STRA6: variants seen among roughly 807,000 people sequenced by gnomAD.
The protein encoded by STRA6 is receptor for retinol uptake STRA6.
Under a neutral mutation model 83.6 loss-of-function variants are expected in STRA6, and 48 were observed. That is an observed-to-expected ratio of 0.57 (90% CI 0.46 to 0.73). STRA6 has a LOEUF of 0.73. Ranked by LOEUF, STRA6 falls within the 30% of genes least tolerant of loss-of-function variation. The pLI, the probability that STRA6 is intolerant of heterozygous loss-of-function variation, is 0.00. For missense variants in STRA6, 760 were observed against 838.8 expected, an observed-to-expected ratio of 0.91 and a Z score of 1.16; for synonymous variants, 353 against 362.3, an observed-to-expected ratio of 0.97 and a Z score of 0.29.
intron 12 of STRA6, among the ~76,000 whole-genome samples, chr15:74,187,718 C>T (rs1416628914): frequency 6.6e-6 from 1 of 152,120 alleles, no homozygotes; most frequent in Non-Finnish European, 1.5e-5. Context: ...TCCTCATCTG[C>T]AAATTTAAAG....
chr15:74,189,503 G>A (rs1227676514), intron 11 of STRA6, among the ~76,000 whole-genome samples: 2 of 152,108 alleles, frequency 1.3e-5, no homozygotes, highest in Non-Finnish European at 2.9e-5. Flanking sequence ...TTCGAGCACC[G>A]TAACTTCATA....
chr15:74,187,006 G>A (rs1263577750), intron 12 of STRA6, among the ~76,000 whole-genome samples: 1 of 152,230 alleles, frequency 6.6e-6, no homozygotes, highest in Non-Finnish European at 1.5e-5. Flanking sequence ...TCAGAAGCAA[G>A]GTTGGGAGAA....
intron 14 of STRA6, chr15:74,182,900 T>C: frequency 4.3e-6 from 1 of 234,202 alleles, no homozygotes. Context: ...TAGAGAATGA[T>C]GTCTACAAAA....
In STRA6 at chr15:74,182,342, C is replaced by G; in HGVS notation, c.1418+1G>C. The stretch of plus-strand genomic sequence containing the variant: ...AGCCCTCCATGTCTTGTTTCACTCA[C>G]CACGAGGACTCCAGGGAACGGAAGA... On this transcript the variant is annotated splice_donor_variant, in intron 15 of 18. Coordinates refer to ENST00000395105, the MANE Select transcript of STRA6 (RefSeq NM_022369.4). LOFTEE classifies it high-confidence loss of function. The G allele has an allele frequency of 6.2e-7, 1 of 1,614,154 alleles. No homozygotes were observed. Among genetic ancestry groups the G allele is most frequent in the Admixed American group, 1.7e-5 (1 of 60,026 alleles).
At chr15:74,201,583 C>T (rs1487892590) in intron 2 of STRA6, among the ~76,000 whole-genome samples, 1 of 152,160 alleles carries the variant, frequency 6.6e-6, no homozygotes, top group Non-Finnish European at 1.5e-5. Context: ...CTGGGCTGGC[C>T]TGAGCACTTC....
intron 1 of STRA6, among the ~76,000 whole-genome samples, chr15:74,208,600 C>T (rs1334595439): frequency 6.6e-6 from 1 of 152,132 alleles, no homozygotes. Flanking sequence ...CTCCTGCTAG[C>T]CCCCCAGTGT....
chr15:74,203,167 A>G (rs879651782), upstream of STRA6: 1 of 985,480 alleles, frequency 1.0e-6, no homozygotes, highest in Non-Finnish European at 1.2e-6. Context: ...TTCTTCTCCT[A>G]GGGTTTCCAT....
intron 2 of STRA6, among the ~76,000 whole-genome samples, chr15:74,201,640 C>A (rs1299890489): frequency 6.6e-6 from 1 of 152,188 alleles, no homozygotes; most frequent in Non-Finnish European, 1.5e-5. Flanking sequence ...CATCCAAAGA[C>A]AACAAGGGTG....
upstream of STRA6, among the ~76,000 whole-genome samples, chr15:74,209,968 AT>A (rs1157953412): frequency 6.6e-6 from 1 of 152,168 alleles, no homozygotes; most frequent in East Asian, 1.9e-4. Flanking sequence ...TGTATGTGAG[AT>A]TGGCTTCCAA....
In STRA6 at chr15:74,189,195, A is replaced by T. The variant is rs1250527999; in HGVS notation, c.1010T>A (p.Leu337Gln). Residue 337 changes from leucine to glutamine, a missense_variant, in exon 12 of 19, where the codon CTG becomes CAG. By Grantham distance (113) the Leu-to-Gln change is moderately radical. Transcript: ENST00000395105. Reference sequence around the variant, plus strand: ...GGAGAGCACGATTCCAAAGCCGGCCAGCAGGTAGGAGACATCCGTGGTGAC... The same window carrying T: ...GGAGAGCACGATTCCAAAGCCGGCCTGCAGGTAGGAGACATCCGTGGTGAC... ...AGVTTDVSYL[L>Q]AGFGIVLSED... 1.2e-6 allele frequency: 2 copies of T among 1,613,728 alleles called. No homozygotes were observed. The highest frequency in any genetic ancestry group is 1.7e-6 in the Non-Finnish European group (2 of 1,179,938).
At chr15:74,206,131 T>C (rs1261459085), upstream of STRA6, among the ~76,000 whole-genome samples, 1 of 152,180 alleles carries the variant, frequency 6.6e-6, no homozygotes, top group African/African-American at 2.4e-5. Context: ...CCCCCGTCCC[T>C]GCACACCAGT....
intron 2 of STRA6, among the ~76,000 whole-genome samples, chr15:74,201,912 T>C (rs1362390063): frequency 1.3e-5 from 2 of 152,192 alleles, no homozygotes; most frequent in African/African-American, 4.8e-5. Flanking sequence ...TCACACATCA[T>C]ACCTAAGGTG....
Position 74,202,759 on chromosome 15 carries a change from G to C in STRA6, c.-62C>G, listed in dbSNP as rs1176208257. On this transcript the variant is annotated 5_prime_UTR_variant, in exon 1 of 19. Coordinates refer to ENST00000395105, the MANE Select transcript of STRA6 (RefSeq NM_022369.4). ...AAGGAGTTGCAGAGATGAAAGGGTA[G>C]GCAGCCCACGGCCAGCTCCGCACTG... 2.5e-6 allele frequency: 3 copies of C among 1,203,022 alleles called. No homozygotes were observed. The highest frequency in any genetic ancestry group is 3.1e-6 in the Non-Finnish European group (3 of 969,658). 74.5% of individuals were successfully genotyped at this position (1,203,022 alleles called of 1,614,324 possible).
intron 12 of STRA6, among the ~76,000 whole-genome samples, chr15:74,186,684 T>C (rs542001111): frequency 3.9e-4 from 59 of 152,214 alleles, no homozygotes; most frequent in East Asian, 1.9e-3. Context: ...AATGGGAGAA[T>C]TGCTTGAACC....
chr15:74,209,064 G>C, upstream of STRA6: 3 of 1,220,818 alleles, frequency 2.5e-6, no homozygotes, highest in Middle Eastern at 3.2e-4. Context: ...CCCTTCTCCA[G>C]TCTGGCTCTG....
intron 7 of STRA6, chr15:74,194,392 T>C: frequency 9.4e-7 from 1 of 1,061,956 alleles, no homozygotes; most frequent in Non-Finnish European, 1.1e-6. Flanking sequence ...ATTTATTTGT[T>C]GGTTCAATAT....
At chr15:74,186,872 G>A (rs770211101) in intron 12 of STRA6, among the ~76,000 whole-genome samples, 3 of 152,210 alleles carry the variant, frequency 2.0e-5, no homozygotes, top group African/African-American at 4.8e-5. Context: ...CTTGAGCAAC[G>A]GGAATGTTAA....
intron 7 of STRA6, 109 bp from the exon 8 acceptor site, chr15:74,194,031 G>A (rs1392726226): frequency 7.1e-6 from 11 of 1,549,638 alleles, no homozygotes; most frequent in Admixed American, 1.7e-5. Context: ...GTGGTCTGGG[G>A]GGCCATGGGA....
chr15:74,191,825 G>A, intron 8 of STRA6: 1 of 430,220 alleles, frequency 2.3e-6, no homozygotes, highest in Non-Finnish European at 4.3e-6. Flanking sequence ...TCTGGCCTCT[G>A]CTAGCTGAAA....
Sources: allele counts gnomAD v4.1 joint callset (sites outside exome capture counted in the v4.1 genomes callset), GRCh38; gene constraint gnomAD v4.1.1; transcripts MANE v1.5; gene names NCBI Gene and HGNC (gene_info 2026-07-23, HGNC 2026-07-21).